RABEP2: variants seen among roughly 807,000 people sequenced by gnomAD.
RABEP2 encodes the protein rabaptin, RAB GTPase binding effector protein 2.
RABEP2 carries 57 observed loss-of-function variants against 74.1 expected under a neutral mutation model. The observed-to-expected ratio is 0.77, with a 90% CI of 0.62 to 0.96. The LOEUF (loss-of-function observed/expected upper bound fraction) is 0.96. RABEP2 is among the 40% of genes least tolerant of loss of function. RABEP2 has a pLI of 0.00. For missense variants in RABEP2, 692 were observed against 756.3 expected (o/e 0.91, Z 1.00); for synonymous variants, 351 against 344.0 (o/e 1.02, Z -0.23).
intron 12 of RABEP2, 37 bp downstream of exon 12, chr16:28,905,360 G>GAGCC (rs1214437267): frequency 2.6e-6 from 4 of 1,511,324 alleles, no homozygotes; most frequent in Non-Finnish European, 3.6e-6. Context: ...ACCCGGAGTG[G>GAGCC]AGCCAGCCAG....
chr16:28,905,045 C>A lies in RABEP2; in HGVS notation c.1609-1G>T. The A allele has an allele frequency of 6.2e-7, 1 of 1,601,368 alleles. No individual in the cohort carries two copies. On this transcript the variant is annotated splice_acceptor_variant, in intron 12 of 12. Coordinates refer to ENST00000358201, the MANE Select transcript of RABEP2 (RefSeq NM_024816.3). LOFTEE classifies it high-confidence loss of function. ...CCTGGCGGATCCGCTCTAGGCGCAC[C>A]TGCCGGATCGGACGAGGGGAGCAGA...
In RABEP2 at chr16:28,904,535, C is replaced by T. The variant is rs371094965; in HGVS notation, c.*408G>A. ...GACAAGCGTCTTAGTGTCATGCAGACCAGAAGGCAGCTGCCTGTCCCAGGG... is the reference window on the plus strand; with the variant it reads ...GACAAGCGTCTTAGTGTCATGCAGATCAGAAGGCAGCTGCCTGTCCCAGGG... On this transcript the variant is annotated 3_prime_UTR_variant, in exon 13 of 13. Transcript: ENST00000358201. 1.4e-3 allele frequency: 2,038 copies of T among 1,445,876 alleles called. 23 individuals are homozygous for T. The highest frequency in any genetic ancestry group is 0.012 in the South Asian group (1,023 of 81,842). The allele number at this position is 1,445,876 out of a possible 1,614,324, so 89.6% of individuals were successfully genotyped here.
rs372993781 is a variant in RABEP2, at chr16:28,924,578, A to G, written c.99T>C (p.Gly33=). The G allele has an allele frequency of 2.1e-4, 335 of 1,613,020 alleles. 1 individual carries two copies. The African/African-American group carries it at 4.1e-3, about 20-fold the overall frequency. Residue 33 remains glycine (G), a synonymous_variant, in exon 2 of 13, where the codon GGT becomes GGC. Transcript: ENST00000358201. The part of the protein sequence containing the change: ...EDSRSQEGAN[G]EAESGELSRL... ...GGCTGAGCTCACCTGACTCGGCCTCACCATTTGCCCCTTCCTGGGACCGGG... is the reference window on the plus strand; with the variant it reads ...GGCTGAGCTCACCTGACTCGGCCTCGCCATTTGCCCCTTCCTGGGACCGGG...
intron 8 of RABEP2, 114 bp downstream of exon 8, chr16:28,908,495 G>T: frequency 8.6e-7 from 1 of 1,163,120 alleles, no homozygotes; most frequent in Non-Finnish European, 1.2e-6. Context: ...AGGCAAATGA[G>T]TTAGCCAAGC....
chr16:28,909,950 A>G (rs75370623), intron 7 of RABEP2, among the ~76,000 whole-genome samples: 5 of 148,774 alleles, frequency 3.4e-5, no homozygotes, highest in Non-Finnish European at 7.4e-5. Context: ...AATGGCGTGA[A>G]TCTGGGAGGC....
chr16:28,916,954 A>G (rs1341306799), intron 3 of RABEP2, among the ~76,000 whole-genome samples: 5 of 148,924 alleles, frequency 3.4e-5, no homozygotes, highest in African/African-American at 1.2e-4. Flanking sequence ...GCACCACTGC[A>G]CTCCAGCCTG....
intron 2 of RABEP2, among the ~76,000 whole-genome samples, chr16:28,920,354 T>C (rs1381384363): frequency 6.8e-6 from 1 of 146,910 alleles, no homozygotes; most frequent in Non-Finnish European, 1.5e-5. Context: ...ACGGTAAGAA[T>C]TTTTTTTGGT....
At chr16:28,922,403 G>A (rs777657667) in intron 2 of RABEP2, among the ~76,000 whole-genome samples, 11 of 151,294 alleles carry the variant, frequency 7.3e-5, no homozygotes, top group Non-Finnish European at 1.5e-4. Flanking sequence ...TGGCTAACAC[G>A]GTGAAACCCC....
At chr16:28,918,735 G>T (rs923118845) in intron 3 of RABEP2, among the ~76,000 whole-genome samples, 1 of 151,904 alleles carries the variant, frequency 6.6e-6, no homozygotes, top group African/African-American at 2.4e-5. Context: ...CTTGCTGCAA[G>T]CTTGATTTCT....
chr16:28,906,490 C>T (rs1012808572), intron 8 of RABEP2, among the ~76,000 whole-genome samples: 9 of 152,152 alleles, frequency 5.9e-5, no homozygotes, highest in East Asian at 1.9e-4. Context: ...CCTTGCCGGG[C>T]GCGGTGGCTC....
At chr16:28,911,731 G>T (rs1964317312) in intron 5 of RABEP2, among the ~76,000 whole-genome samples, 1 of 151,922 alleles carries the variant, frequency 6.6e-6, no homozygotes, top group African/African-American at 2.4e-5. Context: ...GCTGAGGTGG[G>T]TGGTCAGGAG....
chr16:28,924,326 G>A lies in RABEP2; in HGVS notation c.274+77C>T. ...TGCTAACCTATCCCATAGCTTATCT[G>A]TGCCCCCAATCCCTTTCTCGTCATG... On this transcript the variant is annotated intron_variant, in intron 2 of 12. Coordinates refer to ENST00000358201, the MANE Select transcript of RABEP2 (RefSeq NM_024816.3). 1.9e-5 allele frequency: 27 copies of A among 1,408,444 alleles called. No homozygotes were observed. In the South Asian group the frequency reaches 3.1e-4, roughly 16 times the overall value. The allele number at this position is 1,408,444 out of a possible 1,614,324, so 87.2% of individuals were successfully genotyped here.
At chr16:28,913,778 CTT>C (rs1163826105) in intron 5 of RABEP2, among the ~76,000 whole-genome samples, 29 of 120,444 alleles carry the variant, frequency 2.4e-4, no homozygotes, top group South Asian at 8.0e-4. Flanking sequence ...CACCCGGCCT[CTT>C]TTTTTTTTTT....
Position 28,910,876 on chromosome 16 carries a change from C to G in RABEP2, c.1089+12G>C, listed in dbSNP as rs751268065. The G allele has an allele frequency of 1.2e-6, 2 of 1,606,044 alleles. No homozygotes were observed. Among genetic ancestry groups the G allele is most frequent in the African/African-American group, 2.7e-5 (2 of 74,888 alleles). On this transcript the variant is annotated intron_variant, in intron 7 of 12. Transcript: ENST00000358201. ...TCCTCGCCCTCCTGCCCTAGGGCCC[C>G]CAGGTACTCACCATCTGCAGCTGCA...
intron 3 of RABEP2, chr16:28,917,713 C>T (rs965525976): frequency 3.3e-5 from 5 of 152,440 alleles, no homozygotes; most frequent in East Asian, 3.9e-4. Flanking sequence ...TGGGCCACCA[C>T]GCCCAGCCCT....
chr16:28,911,296 A>G (rs967483119), intron 5 of RABEP2, 117 bp from the exon 6 acceptor site: 5 of 896,266 alleles, frequency 5.6e-6, no homozygotes, highest in Non-Finnish European at 8.5e-6. Context: ...GTCAAATTAC[A>G]GGCCCAGCCA....
intron 8 of RABEP2, among the ~76,000 whole-genome samples, chr16:28,907,871 C>T (rs994476947): frequency 1.3e-5 from 2 of 152,194 alleles, no homozygotes; most frequent in African/African-American, 4.8e-5. Context: ...GCGATTTCGG[C>T]TCACTGCAAC....
intron 2 of RABEP2, among the ~76,000 whole-genome samples, chr16:28,920,545 C>A (rs758116495): frequency 2.6e-5 from 4 of 152,000 alleles, no homozygotes; most frequent in Non-Finnish European, 4.4e-5. Context: ...ACCACCACCC[C>A]TGGCTAATTT....
At chr16:28,913,920 A>G (rs1300718190) in intron 5 of RABEP2, among the ~76,000 whole-genome samples, 4 of 149,828 alleles carry the variant, frequency 2.7e-5, no homozygotes, top group African/African-American at 4.9e-5. Flanking sequence ...AGCTGGGACT[A>G]CAAGTGTATA....
Sources: allele counts gnomAD v4.1 joint callset (sites outside exome capture counted in the v4.1 genomes callset), GRCh38; gene constraint gnomAD v4.1.1; transcripts MANE v1.5; gene names NCBI Gene and HGNC (gene_info 2026-07-23, HGNC 2026-07-21).